Variants in RBFOX2 observed in about 807,000 individuals in gnomAD.
RBFOX2 encodes the protein RNA binding fox-1 homolog 2.
RBFOX2 carries 10 observed loss-of-function variants against 49.1 expected under a neutral mutation model. That is an observed-to-expected ratio of 0.20 (90% CI 0.13 to 0.35). The LOEUF (loss-of-function observed/expected upper bound fraction) is 0.35. Ranked by LOEUF, RBFOX2 falls within the 10% of genes least tolerant of loss-of-function variation. The probability of loss-of-function intolerance (pLI) is 1.00; values close to 1 mark genes in which losing one functional copy is unlikely to be tolerated. For synonymous variants in RBFOX2, 183 were observed against 187.4 expected, an observed-to-expected ratio of 0.98 and a Z score of 0.19; for missense variants, 323 against 486.9, an observed-to-expected ratio of 0.66 and a Z score of 3.17.
chr22:35,750,360 G>T, intron 9 of RBFOX2: 1 of 1,257,370 alleles, frequency 8.0e-7, no homozygotes, highest in Non-Finnish European at 1.1e-6. Flanking sequence ...ATGCACTGAT[G>T]CAAAACTGAA....
At chr22:35,931,250 AC>A (rs2052361878) in intron 1 of RBFOX2, among the ~76,000 whole-genome samples, 1 of 151,946 alleles carries the variant, frequency 6.6e-6, no homozygotes, top group Non-Finnish European at 1.5e-5. Flanking sequence ...AGACAACCTA[AC>A]AGGGGGGAAA....
intron 2 of RBFOX2, among the ~76,000 whole-genome samples, chr22:35,801,502 G>A (rs76355052): frequency 0.034 from 5,092 of 151,624 alleles, 128 homozygotes; most frequent in Middle Eastern, 0.048. Context: ...AATGGCTTAT[G>A]AGCAGTGAAT....
chr22:35,996,731 A>C (rs2058210355), intron 1 of RBFOX2: 1 of 152,222 alleles, frequency 6.6e-6, no homozygotes, highest in South Asian at 2.1e-4. Flanking sequence ...GGCTGCTGAG[A>C]TCTAGCAGAG....
intron 9 of RBFOX2, among the ~76,000 whole-genome samples, chr22:35,751,533 T>C (rs1009383063): frequency 6.6e-6 from 1 of 152,168 alleles, no homozygotes; most frequent in Non-Finnish European, 1.5e-5. Context: ...TTATTTATCC[T>C]TGGATGAATC....
intron 2 of RBFOX2, among the ~76,000 whole-genome samples, chr22:35,790,347 T>C (rs1947353111): frequency 1.3e-5 from 2 of 152,122 alleles, no homozygotes; most frequent in South Asian, 4.1e-4. Context: ...GCAGATGAAG[T>C]AGGAAATGAG....
intron 1 of RBFOX2, among the ~76,000 whole-genome samples, chr22:35,825,811 C>T (rs1390522481): frequency 6.6e-6 from 1 of 150,802 alleles, no homozygotes; most frequent in Non-Finnish European, 1.5e-5. Context: ...TGAAACCTCG[C>T]CTCTACTAAT....
At chr22:35,875,452 A>C (rs2149234441) in intron 1 of RBFOX2, among the ~76,000 whole-genome samples, 1 of 152,236 alleles carries the variant, frequency 6.6e-6, no homozygotes, top group Admixed American at 6.5e-5. Flanking sequence ...TACATTTCTA[A>C]AGCTTCCCTA....
chr22:35,878,632 G>A (rs923124436), intron 1 of RBFOX2, among the ~76,000 whole-genome samples: 2 of 152,188 alleles, frequency 1.3e-5, no homozygotes, highest in African/African-American at 2.4e-5. Flanking sequence ...GTAGAGATAG[G>A]GTACCACTAT....
At chr22:35,855,746 C>T (rs1255833371) in intron 1 of RBFOX2, among the ~76,000 whole-genome samples, 3 of 151,892 alleles carry the variant, frequency 2.0e-5, no homozygotes, top group Admixed American at 6.6e-5. Context: ...ACACTTGGGT[C>T]GGGCACAGTG....
intron 2 of RBFOX2, among the ~76,000 whole-genome samples, chr22:35,795,628 C>CAAAAAA (rs139555281): frequency 2.1e-4 from 7 of 33,568 alleles, no homozygotes; most frequent in Admixed American, 7.5e-4. Flanking sequence ...TGTAGAAAAG[C>CAAAAAA]AAAAAAAAAA....
At chr22:35,809,851 G>C in exon 2 of RBFOX2, 1 of 1,614,082 alleles carries the variant, frequency 6.2e-7, no homozygotes, top group Non-Finnish European at 8.5e-7. Flanking sequence ...CTTCCGTAGA[G>C]TGTCAGGTTA....
upstream of RBFOX2, among the ~76,000 whole-genome samples, chr22:35,965,986 C>T (rs2056538079): frequency 6.6e-6 from 1 of 152,102 alleles, no homozygotes; most frequent in Non-Finnish European, 1.5e-5. Flanking sequence ...TAACTAACAC[C>T]TAGGCCAAGA....
chr22:35,929,366 A>G (rs2052074367), intron 1 of RBFOX2, among the ~76,000 whole-genome samples: 1 of 152,152 alleles, frequency 6.6e-6, no homozygotes, highest in African/African-American at 2.4e-5. Flanking sequence ...AAGAGAAATT[A>G]AAGTATGTCA....
intron 1 of RBFOX2, chr22:35,821,995 C>T (rs537431631): frequency 7.0e-5 from 36 of 517,948 alleles, no homozygotes; most frequent in Non-Finnish European, 1.1e-4. Flanking sequence ...TTCCTGAAGA[C>T]TTCCAGTAAA....
chr22:35,921,135 CTATTCTACCACT>C (rs1403224437), intron 1 of RBFOX2, among the ~76,000 whole-genome samples: 1 of 152,204 alleles, frequency 6.6e-6, no homozygotes, highest in African/African-American at 2.4e-5. Context: ...GTTCAAATCC[CTATTCTACCACT>C]TATTCTATGT....
At chr22:35,800,710 TC>T (rs1213561898) in intron 2 of RBFOX2, among the ~76,000 whole-genome samples, 2 of 148,602 alleles carry the variant, frequency 1.3e-5, no homozygotes, top group African/African-American at 2.5e-5. Flanking sequence ...TTTTTTTTTT[TC>T]CCCCAAGAAG....
At chr22:36,017,138 T>C (rs1167509601) in intron 1 of RBFOX2, among the ~76,000 whole-genome samples, 3 of 152,180 alleles carry the variant, frequency 2.0e-5, no homozygotes, top group Admixed American at 1.3e-4. Context: ...AGGAACACTA[T>C]CAGACTTCCT....
intron 1 of RBFOX2, among the ~76,000 whole-genome samples, chr22:35,893,190 G>A (rs2047450439): frequency 6.6e-6 from 1 of 152,214 alleles, no homozygotes; most frequent in South Asian, 2.1e-4. Flanking sequence ...TGATCAAAGT[G>A]ACCAGGGGAC....
chr22:35,841,302 T>C (rs1475063162), upstream of RBFOX2, among the ~76,000 whole-genome samples: 1 of 152,166 alleles, frequency 6.6e-6, no homozygotes. Context: ...TAAATAGTAA[T>C]TGTTATAGAA....
Sources: allele counts gnomAD v4.1 joint callset (sites outside exome capture counted in the v4.1 genomes callset), GRCh38; gene constraint gnomAD v4.1.1; transcripts MANE v1.5; gene names NCBI Gene and HGNC (gene_info 2026-07-23, HGNC 2026-07-21).